GRIK2: variants seen among roughly 807,000 people sequenced by gnomAD.
GRIK2 encodes the protein glutamate ionotropic receptor kainate type subunit 2, also known as glutamate receptor ionotropic, kainate 2.
A neutral mutation model predicts 100.3 loss-of-function variants in GRIK2; 32 were observed. The observed-to-expected ratio is 0.32, with a 90% CI of 0.24 to 0.43. The LOEUF (loss-of-function observed/expected upper bound fraction) is 0.43, where lower values mean the gene tolerates loss of function less well. GRIK2 is among the 20% of genes least tolerant of loss of function. The probability of loss-of-function intolerance (pLI) is 1.00; values close to 1 mark genes in which losing one functional copy is unlikely to be tolerated. For synonymous variants in GRIK2, 417 were observed against 389.4 expected, an observed-to-expected ratio of 1.07 and a Z score of -0.83; for missense variants, 843 against 1,114.9, an observed-to-expected ratio of 0.76 and a Z score of 3.47.
intron 14 of GRIK2, among the ~76,000 whole-genome samples, chr6:101,967,865 T>A (rs936851299): frequency 2.0e-4 from 31 of 152,146 alleles, no homozygotes; most frequent in African/African-American, 6.7e-4. Flanking sequence ...TAATGGGGGA[T>A]AATTTATGCA....
At chr6:101,571,097 T>A (rs1777503735) in intron 2 of GRIK2, among the ~76,000 whole-genome samples, 1 of 152,106 alleles carries the variant, frequency 6.6e-6, no homozygotes, top group South Asian at 2.1e-4. Context: ...TTTTGGAGTA[T>A]CTTAGAAAAC....
chr6:101,914,133 G>A (rs1788940115), intron 12 of GRIK2, among the ~76,000 whole-genome samples: 1 of 151,178 alleles, frequency 6.6e-6, no homozygotes, highest in Non-Finnish European at 1.5e-5. Flanking sequence ...AAATGGAAAG[G>A]CAAATTCAGG....
At chr6:101,935,257 G>A (rs531896417) in intron 14 of GRIK2, among the ~76,000 whole-genome samples, 1 of 151,910 alleles carries the variant, frequency 6.6e-6, no homozygotes, top group African/African-American at 2.4e-5. Context: ...ACTTGAGTTG[G>A]CTTGTTTATT....
At chr6:101,834,354 C>T (rs1375254764) in intron 10 of GRIK2, among the ~76,000 whole-genome samples, 1 of 151,956 alleles carries the variant, frequency 6.6e-6, no homozygotes, top group African/African-American at 2.4e-5. Flanking sequence ...ATTTTTTCAG[C>T]ATTTTCTTAT....
intron 14 of GRIK2, among the ~76,000 whole-genome samples, chr6:101,954,746 T>A (rs575380361): frequency 2.0e-5 from 3 of 152,198 alleles, no homozygotes; most frequent in Non-Finnish European, 2.9e-5. Flanking sequence ...CAGTATAATG[T>A]TGAATGTAAA....
intron 7 of GRIK2, among the ~76,000 whole-genome samples, chr6:101,733,911 G>T (rs951057898): frequency 2.6e-5 from 4 of 151,724 alleles, no homozygotes; most frequent in Admixed American, 6.6e-5. Context: ...ATTTCCTCCA[G>T]TTTCTGATAT....
intron 7 of GRIK2, among the ~76,000 whole-genome samples, chr6:101,714,466 A>T (rs904230261): frequency 6.6e-6 from 1 of 151,376 alleles, no homozygotes; most frequent in Non-Finnish European, 1.5e-5. Context: ...TTTGAGCTTA[A>T]AAAAAATAGA....
intron 2 of GRIK2, among the ~76,000 whole-genome samples, chr6:101,543,394 G>T (rs979513048): frequency 2.6e-5 from 4 of 152,098 alleles, no homozygotes; most frequent in Non-Finnish European, 5.9e-5. Flanking sequence ...ATAAGCAAAA[G>T]GTGGGCAATA....
At chr6:101,804,138 C>CA (rs796351688) in intron 9 of GRIK2, among the ~76,000 whole-genome samples, 5 of 151,824 alleles carry the variant, frequency 3.3e-5, no homozygotes, top group African/African-American at 1.2e-4. Flanking sequence ...TATAATTAAT[C>CA]AAGAGTCATA....
At chr6:101,565,666 T>C (rs1777221352) in intron 2 of GRIK2, among the ~76,000 whole-genome samples, 1 of 151,748 alleles carries the variant, frequency 6.6e-6, no homozygotes, top group Non-Finnish European at 1.5e-5. Flanking sequence ...AGGGATTAGA[T>C]TTAATCAAAT....
At chr6:101,715,149 ATTTG>A (rs1395392458) in intron 7 of GRIK2, among the ~76,000 whole-genome samples, 2 of 151,828 alleles carry the variant, frequency 1.3e-5, no homozygotes, top group African/African-American at 2.4e-5. Context: ...TTTCTTCTCA[ATTTG>A]TTTAAGTTCA....
intron 14 of GRIK2, among the ~76,000 whole-genome samples, chr6:101,980,167 T>C (rs914391010): frequency 5.9e-5 from 9 of 151,974 alleles, no homozygotes; most frequent in African/African-American, 2.2e-4. Flanking sequence ...CTCCCTGTTA[T>C]ATCCCATACC....
intron 7 of GRIK2, among the ~76,000 whole-genome samples, chr6:101,778,992 G>GT (rs1207347644): frequency 6.6e-6 from 1 of 151,786 alleles, no homozygotes; most frequent in Non-Finnish European, 1.5e-5. Flanking sequence ...TATTATTTCT[G>GT]TTTTTTATAT....
At chr6:101,464,743 A>C (rs568589277) in intron 2 of GRIK2, among the ~76,000 whole-genome samples, 2 of 151,038 alleles carry the variant, frequency 1.3e-5, no homozygotes, top group East Asian at 3.9e-4. Context: ...GATGGCCTCA[A>C]TCTCCTGACC....
intron 2 of GRIK2, among the ~76,000 whole-genome samples, chr6:101,579,345 G>A (rs187752952): frequency 6.6e-6 from 1 of 152,086 alleles, no homozygotes; most frequent in African/African-American, 2.4e-5. Context: ...TCCATCTCTA[G>A]TCAGGAAGAT....
chr6:102,010,846 T>C (rs916585211), intron 14 of GRIK2, among the ~76,000 whole-genome samples: 4 of 152,168 alleles, frequency 2.6e-5, no homozygotes, highest in African/African-American at 9.7e-5. Context: ...TCATGTGTTT[T>C]CTTTCTTGGG....
chr6:101,761,791 C>G, intron 7 of GRIK2, among the ~76,000 whole-genome samples: 1 of 139,166 alleles, frequency 7.2e-6, no homozygotes, highest in South Asian at 2.5e-4. Context: ...CTCCCTCCCT[C>G]CCTTCCTTTC....
intron 7 of GRIK2, among the ~76,000 whole-genome samples, chr6:101,783,509 T>G (rs1360650916): frequency 6.6e-6 from 1 of 152,128 alleles, no homozygotes; most frequent in Non-Finnish European, 1.5e-5. Flanking sequence ...ATAAAGAGAA[T>G]TGGTACTGAA....
chr6:102,010,524 C>T (rs1395441122), intron 14 of GRIK2, among the ~76,000 whole-genome samples: 1 of 152,040 alleles, frequency 6.6e-6, no homozygotes, highest in Non-Finnish European at 1.5e-5. Context: ...GCTGGGACTA[C>T]AGTCATGTGC....
Sources: gnomAD v4.1 joint callset for allele counts (sites outside exome capture counted in the v4.1 genomes callset) on GRCh38, gnomAD v4.1.1 for gene constraint, MANE v1.5 for transcripts, NCBI Gene and HGNC (gene_info 2026-07-23, HGNC 2026-07-21) for gene names.